The following VWC2 variants were observed in gnomAD, a reference collection of about 807,000 sequenced individuals.
The protein encoded by VWC2 is von Willebrand factor C domain containing 2.
VWC2 carries 14 observed loss-of-function variants against 29.8 expected under a neutral mutation model. The ratio of observed to expected loss-of-function variants is 0.47; its 90% CI spans 0.31 to 0.74. VWC2 has a LOEUF of 0.74. VWC2 is among the 30% of genes least tolerant of loss of function. The probability of loss-of-function intolerance (pLI) is 0.05; values close to 1 mark genes in which losing one functional copy is unlikely to be tolerated. For missense variants in VWC2, 457 were observed against 459.8 expected (o/e 0.99, Z 0.05); for synonymous variants, 213 against 199.0 (o/e 1.07, Z -0.59).
intron 2 of VWC2, among the ~76,000 whole-genome samples, chr7:49,790,516 C>G (rs1788442178): frequency 6.6e-6 from 1 of 152,198 alleles, no homozygotes; most frequent in Non-Finnish European, 1.5e-5. Context: ...TCCTTAGTTT[C>G]TGTTGCTATA....
At chr7:49,774,907 G>T (rs1474791318) in intron 1 of VWC2, among the ~76,000 whole-genome samples, 1 of 152,132 alleles carries the variant, frequency 6.6e-6, no homozygotes, top group African/African-American at 2.4e-5. Flanking sequence ...CTGTACATTC[G>T]TCCGTCTCTA....
At chr7:49,830,339 C>T (rs1207913032) in intron 3 of VWC2, among the ~76,000 whole-genome samples, 2 of 152,074 alleles carry the variant, frequency 1.3e-5, no homozygotes, top group Non-Finnish European at 2.9e-5. Flanking sequence ...GTGATGAGGG[C>T]TCTCTGTTGT....
chr7:49,866,072 A>G (rs577185382), intron 3 of VWC2, among the ~76,000 whole-genome samples: 2 of 152,272 alleles, frequency 1.3e-5, no homozygotes, highest in South Asian at 4.1e-4. Flanking sequence ...TGGAGAGATT[A>G]GAAATGTGAA....
At chr7:49,836,528 A>C (rs1404464601) in intron 3 of VWC2, among the ~76,000 whole-genome samples, 2 of 151,004 alleles carry the variant, frequency 1.3e-5, no homozygotes, top group African/African-American at 4.9e-5. Flanking sequence ...AATCCCAGCT[A>C]CTCCAGAGGC....
At chr7:49,870,962 C>T (rs1562743114) in intron 3 of VWC2, among the ~76,000 whole-genome samples, 1 of 152,162 alleles carries the variant, frequency 6.6e-6, no homozygotes, top group Non-Finnish European at 1.5e-5. Flanking sequence ...TAGAAGAAGA[C>T]CCCTTTGCAC....
At chr7:49,910,433 G>T (rs7795532) in intron 3 of VWC2, among the ~76,000 whole-genome samples, 1 of 152,140 alleles carries the variant, frequency 6.6e-6, no homozygotes, top group African/African-American at 2.4e-5. Flanking sequence ...AAGCAAAGAA[G>T]GGAGGAGAAT....
At chr7:49,888,062 T>C (rs948253169) in intron 3 of VWC2, among the ~76,000 whole-genome samples, 1 of 152,260 alleles carries the variant, frequency 6.6e-6, no homozygotes, top group Non-Finnish European at 1.5e-5. Context: ...TAATTGATCA[T>C]GTACATCTCT....
intron 3 of VWC2, among the ~76,000 whole-genome samples, chr7:49,840,278 G>A (rs1020412511): frequency 1.3e-5 from 2 of 152,212 alleles, no homozygotes; most frequent in East Asian, 3.8e-4. Flanking sequence ...GAGCTGTGGG[G>A]AATGTCTGGT....
intron 3 of VWC2, among the ~76,000 whole-genome samples, chr7:49,882,201 G>A (rs970114649): frequency 3.3e-5 from 5 of 152,112 alleles, no homozygotes; most frequent in Non-Finnish European, 4.4e-5. Context: ...AACAAAACTA[G>A]TGGAAGTAAC....
chr7:49,891,064 T>A (rs1792106500), intron 3 of VWC2, among the ~76,000 whole-genome samples: 1 of 152,218 alleles, frequency 6.6e-6, no homozygotes, highest in Admixed American at 6.5e-5. Flanking sequence ...TTAAATATAT[T>A]TTTAAGACAA....
chr7:49,782,731 G>A (rs1264213503), intron 2 of VWC2, among the ~76,000 whole-genome samples: 1 of 151,214 alleles, frequency 6.6e-6, no homozygotes, highest in Non-Finnish European at 1.5e-5. Context: ...GTGCTCACCT[G>A]TAGACCCAGC....
chr7:49,885,910 G>A (rs563560609), intron 3 of VWC2, among the ~76,000 whole-genome samples: 5 of 152,376 alleles, frequency 3.3e-5, no homozygotes, highest in Non-Finnish European at 4.4e-5. Context: ...GAGGAATCAA[G>A]ACCTCCGTGA....
intron 3 of VWC2, among the ~76,000 whole-genome samples, chr7:49,813,318 C>T (rs1325070621): frequency 1.3e-5 from 2 of 152,218 alleles, no homozygotes; most frequent in Non-Finnish European, 2.9e-5. Flanking sequence ...CCCAAAGCCC[C>T]GTGTGTAGCA....
chr7:49,795,961 G>A lies in VWC2; in HGVS notation c.697-6750G>A, dbSNP rs79174053. On this transcript the variant is annotated intron_variant, in intron 2 of 3. Transcript: ENST00000340652. ...GCTCCAGGGGGTCCAGAGACTTAAA[G>A]AATTTCAAGGAAGGGAGGGATTGGT... is the stretch of plus-strand genomic sequence containing the variant. Among the ~76,000 whole-genome samples the A allele has an allele frequency of 9.3e-3, 1,418 of 152,238 alleles. 32 individuals are homozygous for A. Among genetic ancestry groups the A allele is most frequent in the African/African-American group, 0.033 (1,362 of 41,536 alleles).
chr7:49,812,992 A>G (rs967844602), intron 3 of VWC2, among the ~76,000 whole-genome samples: 3 of 152,238 alleles, frequency 2.0e-5, no homozygotes, highest in African/African-American at 7.2e-5. Context: ...ACAAGTCTAT[A>G]GCTGGTTATA....
At chr7:49,884,997 A>T (rs1450296810) in intron 3 of VWC2, among the ~76,000 whole-genome samples, 5 of 152,252 alleles carry the variant, frequency 3.3e-5, no homozygotes, top group Admixed American at 2.6e-4. Context: ...AAATTAGGAA[A>T]TAGGATATAA....
intron 2 of VWC2, among the ~76,000 whole-genome samples, chr7:49,788,287 TG>T (rs1296913261): frequency 6.6e-6 from 1 of 152,104 alleles, no homozygotes; most frequent in Non-Finnish European, 1.5e-5. Context: ...ACTCTACAGT[TG>T]GGGGTGCGAG....
intron 2 of VWC2, among the ~76,000 whole-genome samples, chr7:49,779,859 G>A (rs1788136916): frequency 6.6e-6 from 1 of 152,126 alleles, no homozygotes; most frequent in South Asian, 2.1e-4. Context: ...GTTTTCTCAT[G>A]GTGTTCCCTC....
rs116700989 is a variant in VWC2, at chr7:49,777,913, C to A, written c.696+1782C>A. On this transcript the variant is annotated intron_variant, in intron 2 of 3. Coordinates refer to ENST00000340652, the MANE Select transcript of VWC2 (RefSeq NM_198570.5). ...AGTTTTGAATTGGTAACATCATCGGCTCTTCTAAAGTCAAAGATAAGCAGT... is the reference window on the plus strand; with the variant it reads ...AGTTTTGAATTGGTAACATCATCGGATCTTCTAAAGTCAAAGATAAGCAGT... Among the ~76,000 whole-genome samples the A allele has an allele frequency of 4.5e-3, 692 of 152,134 alleles. 2 individuals carry two copies. Among genetic ancestry groups the A allele is most frequent in the African/African-American group, 0.014 (588 of 41,480 alleles).
Sources: allele counts gnomAD v4.1 joint callset (sites outside exome capture counted in the v4.1 genomes callset), GRCh38; gene constraint gnomAD v4.1.1; transcripts MANE v1.5; gene names NCBI Gene and HGNC (gene_info 2026-07-23, HGNC 2026-07-21).